BCKDHB: variants seen among roughly 807,000 people sequenced by gnomAD.
BCKDHB encodes the protein branched chain keto acid dehydrogenase E1 subunit beta, also known as 2-oxoisovalerate dehydrogenase subunit beta, mitochondrial.
A neutral mutation model predicts 48.5 loss-of-function variants in BCKDHB; 41 were observed. That is an observed-to-expected ratio of 0.85 (90% CI 0.66 to 1.10). BCKDHB has a LOEUF of 1.10. Ranked by LOEUF, BCKDHB falls within the 50% of genes least tolerant of loss-of-function variation. The pLI is 0.00. For missense variants in BCKDHB, 496 were observed against 494.2 expected (o/e 1.00, Z -0.03); for synonymous variants, 201 against 174.8 (o/e 1.15, Z -1.18).
chr6:80,283,549 G>A (rs905484496), intron 9 of BCKDHB, among the ~76,000 whole-genome samples: 2 of 152,002 alleles, frequency 1.3e-5, no homozygotes, highest in Admixed American at 6.6e-5. Context: ...ATGAAGTTTC[G>A]TAGACTGAAT....
chr6:80,106,720 C>T lies in BCKDHB; in HGVS notation c.27C>T (p.Gly9=). The change falls in exon 1 of 10, where the codon GGC becomes GGT. Residue 9 remains glycine (G), a synonymous_variant. Transcript: ENST00000320393. ...TGGCGGTTGTAGCGGCGGCTGCCGG[C>T]TGGCTACTCAGGCTCAGGGCGGCAG... MAVVAAAA[G]WLLRLRAAGA... is the part of the protein sequence containing the mutation. The T allele has an allele frequency of 1.3e-6, 2 of 1,553,142 alleles. No homozygotes were observed. Among genetic ancestry groups the T allele is most frequent in the African/African-American group, 2.7e-5 (2 of 73,260 alleles).
chr6:80,276,114 A>G (rs1447232712), intron 9 of BCKDHB, among the ~76,000 whole-genome samples: 1 of 152,040 alleles, frequency 6.6e-6, no homozygotes, highest in African/African-American at 2.4e-5. Flanking sequence ...TGATTAAAAT[A>G]TGAAGTTATT....
At chr6:80,404,952 G>A in the BCKDHB span, among the ~76,000 whole-genome samples, 1 of 151,972 alleles carries the variant, frequency 6.6e-6, no homozygotes, top group Non-Finnish European at 1.5e-5. Flanking sequence ...TGATTTTGTG[G>A]CCTGCCGTAT....
chr6:80,361,745 G>A, the BCKDHB span, among the ~76,000 whole-genome samples: 1 of 152,170 alleles, frequency 6.6e-6, no homozygotes, highest in Admixed American at 6.5e-5. Context: ...TGGAGCCTCT[G>A]TTACACCAAG....
chr6:80,391,901 CT>C, the BCKDHB span, among the ~76,000 whole-genome samples: 1 of 151,884 alleles, frequency 6.6e-6, no homozygotes, highest in Non-Finnish European at 1.5e-5. Context: ...TAGCAGGATC[CT>C]TTTTTTTCTT....
intron 6 of BCKDHB, among the ~76,000 whole-genome samples, chr6:80,191,580 G>A (rs537561428): frequency 2.0e-5 from 3 of 152,054 alleles, no homozygotes; most frequent in Middle Eastern, 6.8e-3. Context: ...AATATCTCTG[G>A]TATTGGATTG....
At chr6:80,167,550 T>TAAA in intron 3 of BCKDHB, 128 bp from the exon 4 acceptor site, 3 of 1,046,894 alleles carry the variant, frequency 2.9e-6, no homozygotes, top group Non-Finnish European at 4.2e-6. Context: ...CCATACTCTT[T>TAAA]ATTTTCTGTT....
At chr6:80,302,725 C>T (rs1471765469) in intron 9 of BCKDHB, among the ~76,000 whole-genome samples, 1 of 152,130 alleles carries the variant, frequency 6.6e-6, no homozygotes, top group Non-Finnish European at 1.5e-5. Context: ...TGCACTTATC[C>T]ATTTGTTTAG....
At chr6:80,273,061 AC>A in intron 8 of BCKDHB, 73 bp from the exon 9 acceptor site, 1 of 1,112,952 alleles carries the variant, frequency 9.0e-7, no homozygotes, top group Non-Finnish European at 1.3e-6. Flanking sequence ...TACTTTTATT[AC>A]TGATTTAAAA....
At chr6:80,416,058 G>C in the BCKDHB span, among the ~76,000 whole-genome samples, 1 of 151,636 alleles carries the variant, frequency 6.6e-6, no homozygotes, top group Non-Finnish European at 1.5e-5. Flanking sequence ...GTTTATCTGC[G>C]TAGAGGTGTT....
chr6:80,363,133 G>A, the BCKDHB span, among the ~76,000 whole-genome samples: 1 of 152,116 alleles, frequency 6.6e-6, no homozygotes, highest in Non-Finnish European at 1.5e-5. Context: ...CAGACAAGAT[G>A]CCCCAAGTTC....
intron 9 of BCKDHB, among the ~76,000 whole-genome samples, chr6:80,301,614 T>TA (rs1459905950): frequency 3.9e-5 from 6 of 152,062 alleles, no homozygotes; most frequent in African/African-American, 1.4e-4. Flanking sequence ...AAACTCTGCT[T>TA]AAAAATCAAG....
the BCKDHB span, among the ~76,000 whole-genome samples, chr6:80,388,286 G>A: frequency 2.1e-3 from 325 of 152,330 alleles, 4 homozygotes; most frequent in East Asian, 0.03. Context: ...TGTTTGAGGT[G>A]TCAGTGGCAG....
the BCKDHB span, among the ~76,000 whole-genome samples, chr6:80,381,183 T>G: frequency 6.6e-6 from 1 of 152,020 alleles, no homozygotes; most frequent in Non-Finnish European, 1.5e-5. Context: ...TGATATTCAC[T>G]GTTATTCTCA....
intron 3 of BCKDHB, 51 bp downstream of exon 3, chr6:80,129,280 A>G (rs1305723892): frequency 6.8e-7 from 1 of 1,459,984 alleles, no homozygotes; most frequent in East Asian, 2.3e-5. Context: ...TTACTAAAAG[A>G]TCTTAAAAAT....
chr6:80,168,981 A>G lies in BCKDHB; in HGVS notation c.584A>G (p.Tyr195Cys), dbSNP rs1009457715. 5.6e-6 allele frequency: 9 copies of G among 1,614,150 alleles called. No individual in the cohort carries two copies. The highest frequency in any genetic ancestry group is 6.8e-6 in the Non-Finnish European group (8 of 1,180,002). Residue 195 changes from tyrosine (Y) to cysteine (C), a missense_variant, in exon 5 of 10, where the codon TAT becomes TGT. Physicochemically the swap from Tyr to Cys is radical, Grantham distance 194. Coordinates refer to ENST00000320393, the MANE Select transcript of BCKDHB (RefSeq NM_183050.4). ...GGCTGTGTTGGTCATGGGGCTCTCTATCATTCTCAGAGTCCTGAAGCATTT... is the reference window on the plus strand; with the variant it reads ...GGCTGTGTTGGTCATGGGGCTCTCTGTCATTCTCAGAGTCCTGAAGCATTT... ...PWGCVGHGAL[Y>C]HSQSPEAFFA...
intron 8 of BCKDHB, among the ~76,000 whole-genome samples, chr6:80,272,762 A>AT (rs1267487789): frequency 6.6e-6 from 1 of 152,196 alleles, no homozygotes; most frequent in Non-Finnish European, 1.5e-5. Flanking sequence ...AAACAAATGA[A>AT]TAAAAAAAAC....
intron 9 of BCKDHB, among the ~76,000 whole-genome samples, chr6:80,284,610 A>C (rs988841056): frequency 9.2e-5 from 14 of 152,114 alleles, no homozygotes; most frequent in African/African-American, 3.4e-4. Flanking sequence ...TGGCACAAAG[A>C]GTCTATTTGT....
chr6:80,115,975 G>A (rs1355571250), intron 1 of BCKDHB, among the ~76,000 whole-genome samples: 3 of 152,160 alleles, frequency 2.0e-5, no homozygotes, highest in Non-Finnish European at 4.4e-5. Flanking sequence ...ACAGAGGAAA[G>A]CCAGTGCCGA....
Sources: gnomAD v4.1 joint callset for allele counts (sites outside exome capture counted in the v4.1 genomes callset) on GRCh38, gnomAD v4.1.1 for gene constraint, MANE v1.5 for transcripts, NCBI Gene and HGNC (gene_info 2026-07-23, HGNC 2026-07-21) for gene names.